STIM1: variants seen among roughly 807,000 people sequenced by gnomAD.
STIM1 encodes stromal interaction molecule 1.
In STIM1, 25 loss-of-function variants were observed where a neutral mutation model predicts 74.7. That is an observed-to-expected ratio of 0.33 (90% confidence interval 0.24 to 0.47). The LOEUF (loss-of-function observed/expected upper bound fraction) is 0.47, where lower values mean the gene tolerates loss of function less well. Among genes scored for constraint, STIM1 ranks in the 20% least tolerant of loss-of-function variants. The pLI is 1.00. For synonymous variants in STIM1, 328 were observed against 348.8 expected (o/e 0.94, Z 0.66); for missense variants, 728 against 920.8 (o/e 0.79, Z 2.71).
At chr11:4,065,622 A>G (rs1305838518) in intron 5 of STIM1, among the ~76,000 whole-genome samples, 1 of 152,172 alleles carries the variant, frequency 6.6e-6, no homozygotes, top group Non-Finnish European at 1.5e-5. Context: ...TAGAAGTTAT[A>G]TGGAAGGAGG....
chr11:3,902,835 C>G (rs1386291210), intron 1 of STIM1, among the ~76,000 whole-genome samples: 1 of 152,144 alleles, frequency 6.6e-6, no homozygotes, highest in African/African-American at 2.4e-5. Context: ...GAAGGAGGAG[C>G]TGGGCAGATT....
chr11:3,876,710 C>G (rs1377760967), intron 1 of STIM1, among the ~76,000 whole-genome samples: 1 of 152,148 alleles, frequency 6.6e-6, no homozygotes, highest in Non-Finnish European at 1.5e-5. Flanking sequence ...GCCTTCAATA[C>G]ATGTTTATTG....
Position 3,866,443 on chromosome 11 carries a change from T to C in STIM1, c.139+10034T>C, listed in dbSNP as rs548012281. 3.3e-5 allele frequency among the ~76,000 whole-genome samples: 5 copies of C among 151,678 alleles called. No individual in the cohort carries two copies. In the East Asian group the frequency reaches 9.7e-4, roughly 29 times the overall value. ...GCTTGCTATGTCTTTTTTTTTTTTT[T>C]TTGTGACAGAGTCTTGCTCTGTCCC... On this transcript the variant is annotated intron_variant, in intron 1 of 12. Transcript: ENST00000526596.
At chr11:4,050,760 C>T (rs1172654284) in intron 3 of STIM1, among the ~76,000 whole-genome samples, 2 of 152,104 alleles carry the variant, frequency 1.3e-5, no homozygotes, top group African/African-American at 4.8e-5. Context: ...CTATTAATAG[C>T]TTGTTGACCA....
chr11:4,052,718 A>G (rs1289435954), intron 3 of STIM1, among the ~76,000 whole-genome samples: 1 of 152,256 alleles, frequency 6.6e-6, no homozygotes, highest in East Asian at 1.9e-4. Context: ...CAATGGCAAC[A>G]AAAGCCAAAA....
intron 1 of STIM1, among the ~76,000 whole-genome samples, chr11:3,881,067 AGTATGGTGAC>A (rs1443342259): frequency 5.3e-5 from 8 of 150,184 alleles, no homozygotes; most frequent in African/African-American, 2.0e-4. Flanking sequence ...TTCCTTTTAG[AGTATGGTGAC>A]GTAGGCCGTT....
In STIM1 at chr11:3,977,838, G is replaced by A. The variant is rs117842631; in HGVS notation, c.270+10156G>A. On this transcript the variant is annotated intron_variant, in intron 2 of 12. Transcript: ENST00000526596. ...AAGCCCCTAGCACAATGCCTGGTAC[G>A]TGATAGGTGCTAAAGCCATGTTTTT... Among the ~76,000 whole-genome samples, 12 of 152,174 alleles carry A rather than the reference G, an allele frequency of 7.9e-5. No homozygotes were observed. In the East Asian group the frequency reaches 2.1e-3, roughly 27 times the overall value.
chr11:4,043,995 C>T (rs1259775730), intron 3 of STIM1, among the ~76,000 whole-genome samples: 3 of 151,822 alleles, frequency 2.0e-5, no homozygotes, highest in Non-Finnish European at 4.4e-5. Flanking sequence ...AGCCTAGCGA[C>T]ATAGTAGACT....
intron 2 of STIM1, among the ~76,000 whole-genome samples, chr11:3,984,109 G>T (rs151336052): frequency 6.6e-6 from 1 of 151,974 alleles, no homozygotes. Flanking sequence ...CAAGTGATCC[G>T]CCCGCCTTGG....
intron 5 of STIM1, among the ~76,000 whole-genome samples, chr11:4,065,310 AG>A (rs1182713931): frequency 6.6e-6 from 1 of 152,098 alleles, no homozygotes; most frequent in Non-Finnish European, 1.5e-5. Flanking sequence ...TTTCTGGCAA[AG>A]CTCACTCTGA....
intron 6 of STIM1, among the ~76,000 whole-genome samples, chr11:4,070,703 GTAA>G (rs2094397921): frequency 6.6e-6 from 1 of 152,090 alleles, no homozygotes; most frequent in African/African-American, 2.4e-5. Flanking sequence ...TTCCTCATTG[GTAA>G]TATGAAGGGA....
At chr11:4,040,021 G>A (rs936909231) in intron 3 of STIM1, among the ~76,000 whole-genome samples, 22 of 151,978 alleles carry the variant, frequency 1.4e-4, no homozygotes, top group African/African-American at 4.4e-4. Context: ...TGCCTGCCTC[G>A]GCCTTCCAAA....
At chr11:3,893,991 G>T (rs1375276830) in intron 1 of STIM1, among the ~76,000 whole-genome samples, 1 of 152,082 alleles carries the variant, frequency 6.6e-6, no homozygotes, top group Non-Finnish European at 1.5e-5. Flanking sequence ...TGTTGCCTAG[G>T]ATGGTCTTGA....
chr11:3,974,370 A>G (rs1484124770), intron 2 of STIM1: 3 of 185,440 alleles, frequency 1.6e-5, no homozygotes, highest in Admixed American at 1.1e-4. Context: ...CTCAGTAGGC[A>G]TGTTATAGAA....
chr11:4,042,106 G>T (rs2094152606), intron 3 of STIM1, among the ~76,000 whole-genome samples: 1 of 152,168 alleles, frequency 6.6e-6, no homozygotes, highest in African/African-American at 2.4e-5. Flanking sequence ...ACTGATTCGG[G>T]AATCCATTTA....
rs369428523 is a variant in STIM1 at position 4,040,179 on chromosome 11, A to G, written c.386-15347A>G. Among the ~76,000 whole-genome samples the G allele has an allele frequency of 6.1e-4, 93 of 152,288 alleles. 1 individual carries two copies. The South Asian group carries it at 0.018, about 30-fold the overall frequency. ...CCCTAGAAGGTAGTGTTTTTCTCCT[A>G]TAATTTATGTAAACATTTCTGTGTT... On this transcript the variant is annotated intron_variant, in intron 3 of 12. Coordinates refer to ENST00000526596, the MANE Select transcript of STIM1 (RefSeq NM_001382567.1).
At chr11:4,067,679 G>A (rs1328597818) in intron 5 of STIM1, among the ~76,000 whole-genome samples, 2 of 152,318 alleles carry the variant, frequency 1.3e-5, no homozygotes, top group Non-Finnish European at 2.9e-5. Flanking sequence ...TACAGAATGG[G>A]AATACCAATA....
chr11:4,017,973 C>A (rs1386998297), intron 2 of STIM1, among the ~76,000 whole-genome samples: 1 of 152,198 alleles, frequency 6.6e-6, no homozygotes, highest in Non-Finnish European at 1.5e-5. Flanking sequence ...CTGTTCAAAT[C>A]CCTGTAACAG....
chr11:4,046,059 C>CTTTTT lies in STIM1; in HGVS notation c.386-9446_386-9442dup, dbSNP rs35783768. Reference sequence around the variant, plus strand: ...TGCTGGGATTACAGGCGTGAGCTACCTTTTTTTTTTTTTTTTTTTTTTTTT... The same window carrying CTTTTT: ...TGCTGGGATTACAGGCGTGAGCTACCTTTTTTTTTTTTTTTTTTTTTTTTTTTTTT... On this transcript the variant is annotated intron_variant, in intron 3 of 12. Coordinates refer to ENST00000526596, the MANE Select transcript of STIM1 (RefSeq NM_001382567.1). 1.3e-3 allele frequency among the ~76,000 whole-genome samples: 78 copies of CTTTTT among 59,070 alleles called. 11 individuals carry two copies. Among genetic ancestry groups the CTTTTT allele is most frequent in the South Asian group, 7.4e-3 (7 of 942 alleles). The allele number at this position is 59,070 out of a possible 152,430, so 38.8% of individuals were successfully genotyped here. A position where few individuals can be genotyped will look rare whatever the true frequency, so the allele number is the denominator to read the frequency against.
Sources: allele counts gnomAD v4.1 joint callset (sites outside exome capture counted in the v4.1 genomes callset), GRCh38; gene constraint gnomAD v4.1.1; transcripts MANE v1.5; gene names NCBI Gene and HGNC (gene_info 2026-07-23, HGNC 2026-07-21).